HDAC9: variants seen among roughly 807,000 people sequenced by gnomAD.
The protein encoded by HDAC9 is MEF-2 interacting transcription repressor (MITR) protein.
Under a neutral mutation model 139.4 loss-of-function variants are expected in HDAC9, and 41 were observed. That is an observed-to-expected ratio of 0.29 (90% CI 0.23 to 0.38). The LOEUF (loss-of-function observed/expected upper bound fraction) is 0.38, where lower values mean the gene tolerates loss of function less well. Among genes scored for constraint, HDAC9 ranks in the 10% least tolerant of loss-of-function variants. The pLI is 1.00. For synonymous variants in HDAC9, 517 were observed against 476.2 expected, an observed-to-expected ratio of 1.09 and a Z score of -1.12; for missense variants, 1,147 against 1,297.0, an observed-to-expected ratio of 0.88 and a Z score of 1.78.
At chr7:18,137,554 T>G (rs529180807) in intron 1 of HDAC9, among the ~76,000 whole-genome samples, 2 of 151,938 alleles carry the variant, frequency 1.3e-5, no homozygotes, top group Non-Finnish European at 2.9e-5. Context: ...CTGCATCTAT[T>G]GAGATAATCA....
At chr7:18,136,705 A>G (rs1029836421) in intron 1 of HDAC9, among the ~76,000 whole-genome samples, 2 of 151,564 alleles carry the variant, frequency 1.3e-5, no homozygotes, top group Non-Finnish European at 3.0e-5. Context: ...TGGTTACTGT[A>G]GCCTTGTAGT....
intron 1 of HDAC9, among the ~76,000 whole-genome samples, chr7:18,161,851 T>C (rs989629213): frequency 1.3e-5 from 2 of 152,226 alleles, no homozygotes; most frequent in African/African-American, 4.8e-5. Context: ...TTTAAAATGC[T>C]ATGTAATGAG....
chr7:18,713,921 G>T (rs1470016792), intron 12 of HDAC9, among the ~76,000 whole-genome samples: 1 of 152,076 alleles, frequency 6.6e-6, no homozygotes, highest in Non-Finnish European at 1.5e-5. Context: ...TAAAAAATAA[G>T]TCGTTGATAA....
At chr7:18,814,695 G>A (rs891925445) in intron 17 of HDAC9, among the ~76,000 whole-genome samples, 2 of 151,776 alleles carry the variant, frequency 1.3e-5, no homozygotes, top group African/African-American at 4.8e-5. Flanking sequence ...TAATTTCTGT[G>A]GTCAAAATTT....
Position 18,456,021 on chromosome 7 carries a change from T to C in HDAC9, c.-41-40241T>C, listed in dbSNP as rs141352189. Among the ~76,000 whole-genome samples the C allele has an allele frequency of 6.0e-3, 906 of 152,218 alleles. 11 individuals carry two copies. The highest frequency in any genetic ancestry group is 0.021 in the African/African-American group (860 of 41,520). ...AGGGAGATTTAACTCCTTAAAATATTTGTGAGTTTCCATCTCTAAAATTTT... is the reference window on the plus strand; with the variant it reads ...AGGGAGATTTAACTCCTTAAAATATCTGTGAGTTTCCATCTCTAAAATTTT... On this transcript the variant is annotated intron_variant, in intron 1 of 3. Transcript: ENST00000413509.
intron 1 of HDAC9, among the ~76,000 whole-genome samples, chr7:18,438,459 T>C (rs1448111575): frequency 6.6e-6 from 1 of 152,172 alleles, no homozygotes; most frequent in Non-Finnish European, 1.5e-5. Flanking sequence ...AATCAATGTA[T>C]TGTAGTGAAA....
At chr7:18,763,394 C>T (rs945612377) in intron 15 of HDAC9, among the ~76,000 whole-genome samples, 6 of 152,076 alleles carry the variant, frequency 3.9e-5, no homozygotes, top group Admixed American at 3.3e-4. Context: ...GTAGCAGTAG[C>T]TTGGGGAGAA....
At chr7:18,322,938 G>T (rs1414768390) in intron 1 of HDAC9, among the ~76,000 whole-genome samples, 1 of 152,092 alleles carries the variant, frequency 6.6e-6, no homozygotes, top group Non-Finnish European at 1.5e-5. Flanking sequence ...GGAAGAAAAG[G>T]TGCCTGGTTT....
At chr7:18,909,688 T>C (rs1429226473) in intron 22 of HDAC9, among the ~76,000 whole-genome samples, 1 of 152,012 alleles carries the variant, frequency 6.6e-6, no homozygotes, top group Non-Finnish European at 1.5e-5. Flanking sequence ...GTTCATTGCA[T>C]GGATATATTG....
chr7:18,919,523 C>G (rs1459484096), intron 22 of HDAC9, among the ~76,000 whole-genome samples: 1 of 151,948 alleles, frequency 6.6e-6, no homozygotes, highest in African/African-American at 2.4e-5. Flanking sequence ...TGGGATGTGT[C>G]TCCCAAATCT....
intron 1 of HDAC9, among the ~76,000 whole-genome samples, chr7:18,380,913 G>C (rs1785374006): frequency 6.6e-6 from 1 of 152,048 alleles, no homozygotes; most frequent in South Asian, 2.1e-4. Flanking sequence ...ATTAGGGCCA[G>C]GTGCTGTGGC....
At chr7:18,618,502 T>C (rs1839292911) in intron 6 of HDAC9, among the ~76,000 whole-genome samples, 1 of 151,890 alleles carries the variant, frequency 6.6e-6, no homozygotes, top group African/African-American at 2.4e-5. Flanking sequence ...TGGGAGTAAT[T>C]CCATGCTGTC....
Position 18,732,651 on chromosome 7 carries a change from A to G in HDAC9, c.1909+4894A>G, listed in dbSNP as rs199580491. Among the ~76,000 whole-genome samples, 14 of 77,350 alleles carry G rather than the reference A, an allele frequency of 1.8e-4. 2 individuals carry two copies. Among genetic ancestry groups the G allele is most frequent in the South Asian group, 8.7e-4 (2 of 2,298 alleles). 50.7% of individuals were successfully genotyped at this position (77,350 alleles called of 152,430 possible). A position where few individuals can be genotyped will look rare whatever the true frequency, so the allele number is the denominator to read the frequency against. ...CGTGTATATGTGTGCATATGTGTAT[A>G]TATACACACACACGTGTATATGTGT... On this transcript the variant is annotated intron_variant, in intron 13 of 25. Coordinates refer to ENST00000686413, the MANE Select transcript of HDAC9 (RefSeq NM_178425.4).
intron 2 of HDAC9, among the ~76,000 whole-genome samples, chr7:18,188,834 A>G (rs376127816): frequency 1.8e-4 from 6 of 33,856 alleles, no homozygotes; most frequent in African/African-American, 7.8e-4. Context: ...TTAAAAAGTC[A>G]GGAAACAATA....
rs115459650 is a variant in HDAC9 at position 18,272,548 on chromosome 7, A to G, written c.25+110199A>G. 2.8e-3 allele frequency among the ~76,000 whole-genome samples: 425 copies of G among 152,288 alleles called. 2 individuals carry two copies. Among genetic ancestry groups the G allele is most frequent in the African/African-American group, 9.4e-3 (392 of 41,564 alleles). On this transcript the variant is annotated intron_variant, in intron 2 of 12. Transcript: ENST00000417496. ...TATATTTCCACAGTTACAAAATGCA[A>G]TGGAAGCTGTCTCTAACACTAGCTA...
At chr7:18,306,805 C>A (rs1585096155) in intron 1 of HDAC9, among the ~76,000 whole-genome samples, 1 of 152,160 alleles carries the variant, frequency 6.6e-6, no homozygotes, top group Non-Finnish European at 1.5e-5. Context: ...TCACTCCAAC[C>A]AGACTTATTT....
At chr7:18,618,299 T>A (rs1203238707) in intron 6 of HDAC9, among the ~76,000 whole-genome samples, 1 of 152,122 alleles carries the variant, frequency 6.6e-6, no homozygotes, top group Admixed American at 6.6e-5. Flanking sequence ...CATTAAATAT[T>A]TTACTCAGAT....
intron 1 of HDAC9, among the ~76,000 whole-genome samples, chr7:18,420,196 A>G (rs1789489677): frequency 6.6e-6 from 1 of 152,208 alleles, no homozygotes; most frequent in African/African-American, 2.4e-5. Flanking sequence ...CAAGCGTACT[A>G]TCTGATTACC....
chr7:18,277,987 C>T (rs552887281), intron 2 of HDAC9, among the ~76,000 whole-genome samples: 1 of 152,320 alleles, frequency 6.6e-6, no homozygotes, highest in South Asian at 2.1e-4. Context: ...TGTCATTGCA[C>T]TTGCTTCTTC....
Sources: gnomAD v4.1 joint callset for allele counts (sites outside exome capture counted in the v4.1 genomes callset) on GRCh38, gnomAD v4.1.1 for gene constraint, MANE v1.5 for transcripts, NCBI Gene and HGNC (gene_info 2026-07-23, HGNC 2026-07-21) for gene names.